Variants in PDZD9 observed in about 807,000 individuals in gnomAD.
PDZD9 encodes PDZ domain containing 9.
Under a neutral mutation model 16.3 loss-of-function variants are expected in PDZD9, and 13 were observed. The observed-to-expected ratio is 0.80, with a 90% confidence interval of 0.52 to 1.27. PDZD9 has a LOEUF of 1.27. Among genes scored for constraint, PDZD9 ranks in the 50% most tolerant of loss-of-function variants. The probability of loss-of-function intolerance (pLI) is 0.00; values close to 1 mark genes in which losing one functional copy is unlikely to be tolerated. For synonymous variants in PDZD9, 120 were observed against 111.0 expected, an observed-to-expected ratio of 1.08 and a Z score of -0.51; for missense variants, 288 against 310.9, an observed-to-expected ratio of 0.93 and a Z score of 0.55.
chr16:21,994,761 T>A (rs1367243871), intron 2 of PDZD9, among the ~76,000 whole-genome samples: 1 of 151,972 alleles, frequency 6.6e-6, no homozygotes, highest in Non-Finnish European at 1.5e-5. Flanking sequence ...GGTCCCTGAA[T>A]CCCCACTTAG....
intron 2 of PDZD9, among the ~76,000 whole-genome samples, chr16:21,995,548 G>A (rs972811922): frequency 1.3e-5 from 2 of 152,074 alleles, no homozygotes; most frequent in African/African-American, 4.8e-5. Context: ...AACAGTGATA[G>A]TTATATAAGT....
intron 1 of PDZD9, among the ~76,000 whole-genome samples, chr16:21,997,428 G>A (rs1899179195): frequency 6.6e-6 from 1 of 152,236 alleles, no homozygotes; most frequent in African/African-American, 2.4e-5. Flanking sequence ...TGTCAGAGGA[G>A]GGGGAGGCAG....
At chr16:21,961,664 A>ATATATG in the PDZD9 span, among the ~76,000 whole-genome samples, 6 of 103,984 alleles carry the variant, frequency 5.8e-5, no homozygotes, top group Admixed American at 1.0e-4. Context: ...ATATATATAT[A>ATATATG]TATATTTTAG....
chr16:21,984,720 C>G, intron 3 of PDZD9, 60 bp from the exon 4 acceptor site: 9 of 1,330,278 alleles, frequency 6.8e-6, no homozygotes, highest in Non-Finnish European at 8.8e-6. Context: ...TTATGGTCCC[C>G]TAACAAGATG....
the PDZD9 span, chr16:21,968,531 T>TA: frequency 1.8e-6 from 2 of 1,117,252 alleles, no homozygotes; most frequent in Non-Finnish European, 2.5e-6. Flanking sequence ...TATAAGGCCT[T>TA]ATAAGTATTT....
chr16:21,961,838 G>A, the PDZD9 span, among the ~76,000 whole-genome samples: 2 of 150,960 alleles, frequency 1.3e-5, no homozygotes, highest in Non-Finnish European at 3.0e-5. Context: ...TTTCAGTAGA[G>A]ACCATGGTTT....
chr16:21,980,024 C>G (rs1459759372), downstream of PDZD9, among the ~76,000 whole-genome samples: 1 of 152,140 alleles, frequency 6.6e-6, no homozygotes, highest in Non-Finnish European at 1.5e-5. Context: ...GTGTTCTGAG[C>G]ACATATGAGA....
At chr16:21,973,032 G>A in the PDZD9 span, among the ~76,000 whole-genome samples, 2 of 152,212 alleles carry the variant, frequency 1.3e-5, no homozygotes, top group East Asian at 1.9e-4. Flanking sequence ...CCCAGGAGGC[G>A]GAGGATTCAG....
chr16:21,980,710 T>G, downstream of PDZD9: 1 of 1,611,450 alleles, frequency 6.2e-7, no homozygotes, highest in Non-Finnish European at 8.5e-7. Flanking sequence ...TGTAAGTAAA[T>G]GAAAACTTAA....
chr16:21,971,288 ATAT>A, the PDZD9 span, among the ~76,000 whole-genome samples: 3 of 152,204 alleles, frequency 2.0e-5, no homozygotes, highest in Non-Finnish European at 2.9e-5. Flanking sequence ...ATTGAAGATA[ATAT>A]TAACTACACA....
chr16:21,972,019 T>C, the PDZD9 span: 1 of 1,614,216 alleles, frequency 6.2e-7, no homozygotes, highest in Non-Finnish European at 8.5e-7. Flanking sequence ...GCATTTAGTG[T>C]TCTTCAGCAT....
At chr16:21,986,664 C>T (rs1001558478) in intron 3 of PDZD9, among the ~76,000 whole-genome samples, 1 of 152,132 alleles carries the variant, frequency 6.6e-6, no homozygotes, top group African/African-American at 2.4e-5. Flanking sequence ...TTTAGCAAAA[C>T]AAGACAGACT....
At chr16:21,965,294 A>G in the PDZD9 span, 4 of 859,594 alleles carry the variant, frequency 4.7e-6, no homozygotes, top group Admixed American at 2.1e-5. Flanking sequence ...TCCTCTTAAC[A>G]TATGAATGCC....
chr16:21,995,091 G>A (rs968750661), intron 2 of PDZD9: 1 of 390,192 alleles, frequency 2.6e-6, no homozygotes, highest in Non-Finnish European at 5.2e-6. Context: ...GGAGGGGCCT[G>A]GGGGGAGGTG....
the PDZD9 span, chr16:21,977,083 G>A: frequency 6.6e-6 from 1 of 152,200 alleles, no homozygotes; most frequent in Non-Finnish European, 1.5e-5. Context: ...ACTAGGCGCA[G>A]TTGCTCATAC....
chr16:21,994,917 G>A (rs1899108758), intron 2 of PDZD9, among the ~76,000 whole-genome samples: 1 of 151,840 alleles, frequency 6.6e-6, no homozygotes, highest in Non-Finnish European at 1.5e-5. Context: ...TACAGCCTCG[G>A]CCTCCTGCAC....
At position 21,984,147 on chromosome 16, in the gene PDZD9, C is replaced by T; in HGVS notation, c.*120G>A. 9.0e-7 allele frequency: 1 copy of T among 1,110,598 alleles called. No individual in the cohort carries two copies. The highest frequency in any genetic ancestry group is 1.8e-5 in the South Asian group (1 of 54,958). The allele number at this position is 1,110,598 out of a possible 1,614,324, so 68.8% of individuals were successfully genotyped here. A position where few individuals can be genotyped will look rare whatever the true frequency, so the allele number is the denominator to read the frequency against. ...ATCTCTAAAGGCTTTATAACGCAGT[C>T]ATAAGAGAAGAGAATTGGTGAGTCT... On this transcript the variant is annotated 3_prime_UTR_variant, in exon 4 of 4. Coordinates refer to ENST00000424898, the MANE Select transcript of PDZD9 (RefSeq NM_001363519.1).
chr16:21,968,713 A>G, the PDZD9 span: 4 of 1,591,300 alleles, frequency 2.5e-6, no homozygotes, highest in Admixed American at 3.6e-5. Flanking sequence ...CCTGCCTGTC[A>G]GTTTGCTTCC....
chr16:21,980,743 A>C (rs1898704217), downstream of PDZD9: 13 of 1,604,310 alleles, frequency 8.1e-6, no homozygotes, highest in Non-Finnish European at 1.1e-5. Flanking sequence ...AGAGAACTTA[A>C]CCTTAATGAT....
Sources: allele counts gnomAD v4.1 joint callset (sites outside exome capture counted in the v4.1 genomes callset), GRCh38; gene constraint gnomAD v4.1.1; transcripts MANE v1.5; gene names NCBI Gene and HGNC (gene_info 2026-07-23, HGNC 2026-07-21).